SLCO1A2: variants seen among roughly 807,000 people sequenced by gnomAD.
SLCO1A2 encodes the protein solute carrier organic anion transporter family member 1A2.
A neutral mutation model predicts 69.0 loss-of-function variants in SLCO1A2; 67 were observed. The ratio of observed to expected loss-of-function variants is 0.97; its 90% CI spans 0.80 to 1.19. SLCO1A2 has a LOEUF of 1.19. Ranked by LOEUF, SLCO1A2 falls within the 50% of genes most tolerant of loss-of-function variation. The pLI is 0.00. For missense variants in SLCO1A2, 787 were observed against 793.7 expected (o/e 0.99, Z 0.10); for synonymous variants, 260 against 265.9 (o/e 0.98, Z 0.22).
Position 21,287,047 on chromosome 12 carries a change from A to C in SLCO1A2, c.1610+5117T>G, listed in dbSNP as rs1945952960. On this transcript the variant is annotated intron_variant, in intron 12 of 14. Transcript: ENST00000683939. ...AACTAAAGAGCTTCTGCACAGCAAA[A>C]GAAACTACCATCAGAGTGAACAGGC... is the stretch of plus-strand genomic sequence containing the variant. Among the ~76,000 whole-genome samples, 9 of 130,114 alleles carry C rather than the reference A, an allele frequency of 6.9e-5. No individual in the cohort carries two copies. The South Asian group carries it at 2.4e-3, about 34-fold the overall frequency. 85.4% of individuals were successfully genotyped at this position (130,114 alleles called of 152,430 possible).
Position 21,300,379 on chromosome 12 carries a change from C to G in SLCO1A2, c.879G>C (p.Glu293Asp), listed in dbSNP as rs760767484. 14 of 1,609,702 alleles carry G rather than the reference C, an allele frequency of 8.7e-6. No individual in the cohort carries two copies. The South Asian group carries it at 1.5e-4, about 18-fold the overall frequency. ...TGATTCCATATTTTTCCTTCTTGAC[C>G]TCTTCTTTTTGTTTGTCTTCATTTT... ...KNENEDKQKEEVKKEKYGITK... is the reference protein window; with the variant it reads ...KNENEDKQKEDVKKEKYGITK... The change falls in exon 8 of 15, where the codon GAG becomes GAC. Residue 293 changes from glutamate to aspartate, a missense_variant. Physicochemically the swap from Glu to Asp is conservative, Grantham distance 45. Transcript: ENST00000683939.
intron 12 of SLCO1A2, among the ~76,000 whole-genome samples, chr12:21,282,522 T>C (rs61926252): frequency 0.096 from 14,586 of 152,164 alleles, 938 homozygotes; most frequent in Non-Finnish European, 0.15. Flanking sequence ...TATTCTGTAA[T>C]CTGGGACATA....
At chr12:21,361,663 G>T (rs1938899472) in intron 2 of SLCO1A2, among the ~76,000 whole-genome samples, 1 of 152,122 alleles carries the variant, frequency 6.6e-6, no homozygotes, top group Admixed American at 6.5e-5. Context: ...TAGACGAATG[G>T]CAGTGTAGAG....
chr12:21,299,786 ATATACACACACACG>A (rs1207549377), intron 8 of SLCO1A2, among the ~76,000 whole-genome samples: 5 of 116,208 alleles, frequency 4.3e-5, no homozygotes, highest in African/African-American at 1.2e-4. Flanking sequence ...ATATATATAT[ATATACACACACACG>A]TATATATATA....
In SLCO1A2 at chr12:21,394,063, A is replaced by T. The variant is rs193114498; in HGVS notation, c.-190+843T>A. Among the ~76,000 whole-genome samples the T allele has an allele frequency of 1.2e-4, 19 of 152,310 alleles. 1 individual carries two copies. The highest frequency in any genetic ancestry group is 6.5e-4 in the Admixed American group (10 of 15,304). ...AGCCATGGTTCAATATTGCACAGTG[A>T]CCTTCATAGAGACAAGATAAAACTA... On this transcript the variant is annotated intron_variant, in intron 1 of 15. Coordinates refer to the SLCO1A2 transcript ENST00000307378.
At chr12:21,338,299 A>G (rs1025259924), upstream of SLCO1A2, among the ~76,000 whole-genome samples, 6 of 151,948 alleles carry the variant, frequency 3.9e-5, no homozygotes, top group Admixed American at 3.9e-4. Flanking sequence ...GAATCTTGCT[A>G]AGTCTGTTTG....
chr12:21,404,640 TG>T (rs1941792777), intron 1 of SLCO1A2, among the ~76,000 whole-genome samples: 1 of 152,206 alleles, frequency 6.6e-6, no homozygotes, highest in Admixed American at 6.5e-5. Flanking sequence ...CTATCACTGA[TG>T]GGCATTTGGG....
chr12:21,353,472 GA>G (rs535163407), intron 2 of SLCO1A2, among the ~76,000 whole-genome samples: 452 of 132,810 alleles, frequency 3.4e-3, no homozygotes, highest in African/African-American at 9.7e-3. Flanking sequence ...ATGGTGCTCA[GA>G]AAAAAAAAAA....
At chr12:21,369,090 A>G (rs932948597) in intron 2 of SLCO1A2, among the ~76,000 whole-genome samples, 2 of 152,204 alleles carry the variant, frequency 1.3e-5, no homozygotes, top group African/African-American at 4.8e-5. Flanking sequence ...GTCTTCTAAT[A>G]CCATTTGAAC....
rs117427950 is a variant in SLCO1A2 at position 21,387,962 on chromosome 12, G to A, written c.-190+6944C>T. Reference sequence around the variant, plus strand: ...CAGCACGACCTGTATGTGAGACATGGAGTCAAAGGAGATCATTTTGGAATG... The same window carrying A: ...CAGCACGACCTGTATGTGAGACATGAAGTCAAAGGAGATCATTTTGGAATG... On this transcript the variant is annotated intron_variant, in intron 1 of 15. Transcript: ENST00000307378. Among the ~76,000 whole-genome samples the A allele has an allele frequency of 7.0e-3, 1,065 of 152,338 alleles. 5 individuals are homozygous for A. The highest frequency in any genetic ancestry group is 0.017 in the Middle Eastern group (5 of 292).
chr12:21,349,945 G>C (rs936027157), intron 2 of SLCO1A2, among the ~76,000 whole-genome samples: 1 of 152,156 alleles, frequency 6.6e-6, no homozygotes, highest in African/African-American at 2.4e-5. Context: ...AACTTGATCT[G>C]CCTTGCTCAC....
intron 12 of SLCO1A2, among the ~76,000 whole-genome samples, chr12:21,284,471 C>T (rs1308822107): frequency 6.6e-6 from 1 of 151,836 alleles, no homozygotes; most frequent in Non-Finnish European, 1.5e-5. Context: ...AACAAGGATA[C>T]CCAGGAATTG....
At chr12:21,304,097 G>A (rs1024931283) in intron 6 of SLCO1A2, among the ~76,000 whole-genome samples, 3 of 152,128 alleles carry the variant, frequency 2.0e-5, no homozygotes, top group African/African-American at 7.2e-5. Flanking sequence ...AGCGAGAAAG[G>A]TTTTGAATGC....
intron 12 of SLCO1A2, among the ~76,000 whole-genome samples, chr12:21,288,499 G>T (rs968854326): frequency 2.0e-5 from 3 of 152,076 alleles, no homozygotes; most frequent in Non-Finnish European, 2.9e-5. Context: ...CAGAAGGGTT[G>T]TTACCAGAGG....
intron 4 of SLCO1A2, among the ~76,000 whole-genome samples, chr12:21,311,188 TTC>T (rs1314038455): frequency 2.6e-5 from 4 of 152,164 alleles, no homozygotes; most frequent in African/African-American, 9.7e-5. Flanking sequence ...TAAATTCTAG[TTC>T]TCTTTCTCTT....
chr12:21,334,449 A>T lies in SLCO1A2; in HGVS notation c.60+139T>A, dbSNP rs62997661. ...TCAGTTATAAAACCAACTTCTTTAA[A>T]GCAAGAAATTATCAATAGAACAGGC... On this transcript the variant is annotated intron_variant, in intron 2 of 14. Coordinates refer to ENST00000683939, the MANE Select transcript of SLCO1A2 (RefSeq NM_001386879.1). 3,367 of 615,988 alleles carry T rather than the reference A, an allele frequency of 5.5e-3. 94 individuals carry two copies. The African/African-American group carries it at 0.057, about 10-fold the overall frequency. 38.2% of individuals were successfully genotyped at this position (615,988 alleles called of 1,614,324 possible).
In SLCO1A2 at chr12:21,269,516, C is replaced by CTAA. The variant is rs1438496857; in HGVS notation, c.*29_*31dup. On this transcript the variant is annotated 3_prime_UTR_variant, in exon 15 of 15. Transcript: ENST00000683939. Reference sequence around the variant, plus strand: ...ACAATTAAGTTGTACAGCATGTTCTCTAATTCTGAAAAAAGTAATATAATA... The same window carrying CTAA: ...ACAATTAAGTTGTACAGCATGTTCTCTAATAATTCTGAAAAAAGTAATATAATA... The CTAA allele has an allele frequency of 2.1e-5, 31 of 1,509,346 alleles. No individual in the cohort carries two copies. The East Asian group carries it at 6.8e-4, about 33-fold the overall frequency. 93.5% of individuals were successfully genotyped at this position (1,509,346 alleles called of 1,614,324 possible). A position where few individuals can be genotyped will look rare whatever the true frequency, so the allele number is the denominator to read the frequency against.
At chr12:21,354,613 G>C (rs963742842) in intron 2 of SLCO1A2, among the ~76,000 whole-genome samples, 1 of 152,132 alleles carries the variant, frequency 6.6e-6, no homozygotes, top group Non-Finnish European at 1.5e-5. Flanking sequence ...GGACTGTCCT[G>C]CTATTCCATT....
At chr12:21,360,857 T>G (rs538397362) in intron 2 of SLCO1A2, among the ~76,000 whole-genome samples, 1 of 152,230 alleles carries the variant, frequency 6.6e-6, no homozygotes, top group South Asian at 2.1e-4. Flanking sequence ...CCGCCATTGC[T>G]GAGGCTTGAG....
Sources: allele counts gnomAD v4.1 joint callset (sites outside exome capture counted in the v4.1 genomes callset), GRCh38; gene constraint gnomAD v4.1.1; transcripts MANE v1.5; gene names NCBI Gene and HGNC (gene_info 2026-07-23, HGNC 2026-07-21).